PARN: variants seen among roughly 807,000 people sequenced by gnomAD.
The protein encoded by PARN is poly(A)-specific ribonuclease PARN.
A neutral mutation model predicts 102.8 loss-of-function variants in PARN; 71 were observed. That is an observed-to-expected ratio of 0.69 (90% CI 0.57 to 0.84). PARN has a LOEUF of 0.84. Among genes scored for constraint, PARN ranks in the 40% least tolerant of loss-of-function variants. The pLI is 0.00. For synonymous variants in PARN, 261 were observed against 252.9 expected (o/e 1.03, Z -0.30); for missense variants, 782 against 760.9 (o/e 1.03, Z -0.33).
At position 14,565,609 on chromosome 16, in the gene PARN, A is replaced by C. The variant is rs147371572; in HGVS notation, c.1263-9900T>G. Among the ~76,000 whole-genome samples the C allele has an allele frequency of 1.7e-4, 26 of 152,384 alleles. No individual in the cohort carries two copies. In the East Asian group the frequency reaches 4.6e-3, roughly 27 times the overall value. On this transcript the variant is annotated intron_variant, in intron 18 of 23. Transcript: ENST00000437198. ...CCACACAATCCAACAGTCTAAGTCAACATCTTTTACAGTCTGTGCTCAGGC... is the reference window on the plus strand; with the variant it reads ...CCACACAATCCAACAGTCTAAGTCACCATCTTTTACAGTCTGTGCTCAGGC...
At chr16:14,480,484 C>T (rs1198113844) in intron 22 of PARN, among the ~76,000 whole-genome samples, 2 of 152,018 alleles carry the variant, frequency 1.3e-5, no homozygotes, top group East Asian at 1.9e-4. Context: ...AAGTGAATAG[C>T]GAAAAGACAA....
At chr16:14,579,018 ACT>A (rs1335733163) in intron 18 of PARN, among the ~76,000 whole-genome samples, 1 of 150,798 alleles carries the variant, frequency 6.6e-6, no homozygotes, top group Non-Finnish European at 1.5e-5. Context: ...AGGGAGTCTC[ACT>A]CTGTTGCCCA....
intron 21 of PARN, among the ~76,000 whole-genome samples, chr16:14,503,138 C>G (rs1034557010): frequency 1.3e-5 from 2 of 152,128 alleles, no homozygotes; most frequent in South Asian, 2.1e-4. Flanking sequence ...AACCTCCCCC[C>G]ACAGAGGCAC....
chr16:14,438,062 G>C (rs188565641), intron 23 of PARN, among the ~76,000 whole-genome samples: 9 of 152,200 alleles, frequency 5.9e-5, no homozygotes, highest in African/African-American at 1.9e-4. Context: ...GGGACACCCA[G>C]TAAAGATGGC....
intron 21 of PARN, among the ~76,000 whole-genome samples, chr16:14,509,016 A>C (rs1965051837): frequency 1.3e-5 from 2 of 151,948 alleles, no homozygotes; most frequent in South Asian, 2.1e-4. Context: ...AGAAGCAATT[A>C]AATTATAAAT....
chr16:14,539,001 C>G (rs183381572), intron 21 of PARN, among the ~76,000 whole-genome samples: 3 of 152,124 alleles, frequency 2.0e-5, no homozygotes, highest in Non-Finnish European at 4.4e-5. Flanking sequence ...TGTCTAGTTG[C>G]AGGAAAACAA....
Position 14,599,909 on chromosome 16 carries a change from T to C in PARN, c.835A>G (p.Asn279Asp), listed in dbSNP as rs1222309705. The C allele has an allele frequency of 5.6e-6, 9 of 1,599,150 alleles. No individual in the cohort carries two copies. Among genetic ancestry groups the C allele is most frequent in the Non-Finnish European group, 7.7e-6 (9 of 1,171,054 alleles). Residue 279 changes from asparagine to aspartate, a missense_variant, in exon 12 of 24, where the codon AAT (asparagine) becomes GAT (aspartate). Coordinates refer to ENST00000437198, the MANE Select transcript of PARN (RefSeq NM_002582.4). ...GFSRVIHAIA[N>D]SGKLVIGHNM... Reference sequence around the variant, plus strand: ...AAAAAGTCTGGCTCACTTACCGAATTAGCAATGGCGTGAATGACTCTAGAA... The same window carrying C: ...AAAAAGTCTGGCTCACTTACCGAATCAGCAATGGCGTGAATGACTCTAGAA...
intron 21 of PARN, among the ~76,000 whole-genome samples, chr16:14,526,432 C>T (rs1966011118): frequency 6.6e-6 from 1 of 152,090 alleles, no homozygotes; most frequent in African/African-American, 2.4e-5. Flanking sequence ...CCACCTCAGC[C>T]TCCCAAAGTG....
At chr16:14,580,848 G>GA (rs1181657898) in intron 18 of PARN, 26 bp downstream of exon 18, 2 of 1,442,390 alleles carry the variant, frequency 1.4e-6, no homozygotes, top group South Asian at 1.2e-5. Context: ...AGAGAACTTG[G>GA]AAACTGGAAC....
At chr16:14,559,419 TTTAA>T (rs1369403086) in intron 18 of PARN, among the ~76,000 whole-genome samples, 1 of 152,118 alleles carries the variant, frequency 6.6e-6, no homozygotes, top group Non-Finnish European at 1.5e-5. Context: ...GTTTTTTTTT[TTTAA>T]TTTTTATGAG....
At chr16:14,439,771 T>C (rs1450279225) in intron 23 of PARN, among the ~76,000 whole-genome samples, 2 of 152,048 alleles carry the variant, frequency 1.3e-5, no homozygotes, top group Admixed American at 1.3e-4. Context: ...ATCCCAGCAC[T>C]TTGGGAGGCT....
At chr16:14,488,200 A>G (rs541293086) in intron 21 of PARN, among the ~76,000 whole-genome samples, 2 of 152,348 alleles carry the variant, frequency 1.3e-5, no homozygotes, top group African/African-American at 4.8e-5. Context: ...GGAAAAAAAA[A>G]GAAATTGGAT....
At chr16:14,603,858 T>C (rs543253683) in intron 11 of PARN, among the ~76,000 whole-genome samples, 75 of 152,346 alleles carry the variant, frequency 4.9e-4, no homozygotes, top group African/African-American at 1.8e-3. Flanking sequence ...TATTAAAGGA[T>C]AGTGACACTC....
intron 21 of PARN, among the ~76,000 whole-genome samples, chr16:14,499,305 G>A (rs1964468707): frequency 6.6e-6 from 1 of 152,204 alleles, no homozygotes; most frequent in South Asian, 2.1e-4. Context: ...AGGGGGATGG[G>A]AGAAGGAGAA....
At chr16:14,593,068 G>A (rs1970291506) in intron 13 of PARN, among the ~76,000 whole-genome samples, 2 of 152,044 alleles carry the variant, frequency 1.3e-5, no homozygotes, top group Non-Finnish European at 1.5e-5. Context: ...CCCAAGAGGT[G>A]GAGGCTGCAG....
At chr16:14,623,526 A>C (rs1972450556) in intron 5 of PARN, among the ~76,000 whole-genome samples, 1 of 151,628 alleles carries the variant, frequency 6.6e-6, no homozygotes, top group Non-Finnish European at 1.5e-5. Context: ...AACAAAAAAA[A>C]AGAAAAGAAA....
intron 18 of PARN, 86 bp from the exon 19 acceptor site, chr16:14,555,795 A>C (rs1042736427): frequency 8.1e-6 from 5 of 615,914 alleles, no homozygotes; most frequent in South Asian, 2.5e-5. Flanking sequence ...TTAGAAAAAA[A>C]AAATTTTAAT....
chr16:14,520,425 T>C (rs1965677841), intron 21 of PARN, among the ~76,000 whole-genome samples: 1 of 152,172 alleles, frequency 6.6e-6, no homozygotes, highest in Non-Finnish European at 1.5e-5. Context: ...ATTGTACCTA[T>C]GTTTAAAAAA....
intron 21 of PARN, among the ~76,000 whole-genome samples, chr16:14,483,766 ACT>A (rs1388000281): frequency 1.3e-5 from 2 of 152,060 alleles, no homozygotes; most frequent in East Asian, 3.9e-4. Context: ...TGCTGTCACC[ACT>A]GCTATCATCA....
Sources: gnomAD v4.1 joint callset for allele counts (sites outside exome capture counted in the v4.1 genomes callset) on GRCh38, gnomAD v4.1.1 for gene constraint, MANE v1.5 for transcripts, NCBI Gene and HGNC (gene_info 2026-07-23, HGNC 2026-07-21) for gene names.